Variants in HECW1 observed in about 807,000 individuals in gnomAD.
The protein encoded by HECW1 is E3 ubiquitin-protein ligase HECW1.
A neutral mutation model predicts 182.3 loss-of-function variants in HECW1; 61 were observed. The observed-to-expected ratio is 0.33, with a 90% CI of 0.27 to 0.41. The LOEUF is 0.41. HECW1 is among the 10% of genes least tolerant of loss of function. The pLI, the probability that HECW1 is intolerant of heterozygous loss-of-function variation, is 1.00. For synonymous variants in HECW1, 859 were observed against 832.6 expected, an observed-to-expected ratio of 1.03 and a Z score of -0.55; for missense variants, 1,739 against 2,108.9, an observed-to-expected ratio of 0.82 and a Z score of 3.44.
chr7:43,550,632 G>T, intron 27 of HECW1, 41 bp downstream of exon 27: 1 of 1,555,344 alleles, frequency 6.4e-7, no homozygotes, highest in Non-Finnish European at 8.7e-7. Context: ...TGTGGCCAGG[G>T]TGCTGCTTCA....
At chr7:43,506,478 GTATAT>G (rs1482740712) in intron 21 of HECW1, among the ~76,000 whole-genome samples, 1 of 152,136 alleles carries the variant, frequency 6.6e-6, no homozygotes, top group Non-Finnish European at 1.5e-5. Flanking sequence ...AATGAATGTA[GTATAT>G]TATTTTTATA....
chr7:43,428,942 T>C (rs1421563147), intron 8 of HECW1, among the ~76,000 whole-genome samples: 1 of 151,918 alleles, frequency 6.6e-6, no homozygotes, highest in Non-Finnish European at 1.5e-5. Flanking sequence ...ACAGAATACA[T>C]ATATGTGTAA....
intron 24 of HECW1, chr7:43,511,738 C>G (rs1194279733): frequency 5.8e-6 from 1 of 172,020 alleles, no homozygotes; most frequent in African/African-American, 2.4e-5. Flanking sequence ...TGCCATGTGG[C>G]AAATAGTTTA....
intron 6 of HECW1, among the ~76,000 whole-genome samples, chr7:43,382,881 T>C (rs1054142860): frequency 6.6e-6 from 1 of 152,118 alleles, no homozygotes; most frequent in Non-Finnish European, 1.5e-5. Context: ...GTCATCTAGG[T>C]TTTAAGCCCC....
chr7:43,471,919 T>G (rs1405942526), intron 16 of HECW1, among the ~76,000 whole-genome samples: 1 of 152,206 alleles, frequency 6.6e-6, no homozygotes, highest in East Asian at 1.9e-4. Flanking sequence ...AAAGTATAAT[T>G]TTCTTTGGAA....
intron 29 of HECW1, among the ~76,000 whole-genome samples, chr7:43,561,209 G>C (rs1283185933): frequency 6.6e-6 from 1 of 152,204 alleles, no homozygotes; most frequent in Admixed American, 6.5e-5. Flanking sequence ...AGAACCCCGG[G>C]CGCCAGGACA....
At chr7:43,129,469 A>G (rs1193263642) in intron 2 of HECW1, among the ~76,000 whole-genome samples, 1 of 152,238 alleles carries the variant, frequency 6.6e-6, no homozygotes, top group Non-Finnish European at 1.5e-5. Context: ...TGCACTGCTA[A>G]TAGACTACAG....
rs1451116308 is a variant in HECW1, at chr7:43,331,457, G to T, written c.460+10715G>T. Reference sequence around the variant, plus strand: ...AAATACAAAAAATTAGCCGGACGTGGTGGTGGGTGCCTATAGTCCCAGCTA... The same window carrying T: ...AAATACAAAAAATTAGCCGGACGTGTTGGTGGGTGCCTATAGTCCCAGCTA... On this transcript the variant is annotated intron_variant, in intron 5 of 29. Coordinates refer to ENST00000395891, the MANE Select transcript of HECW1 (RefSeq NM_015052.5). Among the ~76,000 whole-genome samples, 2 of 152,154 alleles carry T rather than the reference G, an allele frequency of 1.3e-5. 1 individual carries two copies. The highest frequency in any genetic ancestry group is 4.2e-4 in the South Asian group (2 of 4,816).
intron 2 of HECW1, among the ~76,000 whole-genome samples, chr7:43,165,890 A>T (rs935103787): frequency 6.6e-6 from 1 of 152,208 alleles, no homozygotes; most frequent in African/African-American, 2.4e-5. Context: ...CTGAGTCCCA[A>T]TGCAGATTTA....
intron 16 of HECW1, among the ~76,000 whole-genome samples, chr7:43,469,724 TTCA>T (rs1233836173): frequency 6.6e-6 from 1 of 152,218 alleles, no homozygotes; most frequent in Admixed American, 6.5e-5. Context: ...TTTCCTAATC[TTCA>T]TCAGCCATCT....
Position 43,173,812 on chromosome 7 carries a change from ACCT to A in HECW1, c.-32+59424_-32+59426del, listed in dbSNP as rs142155765. The stretch of plus-strand genomic sequence containing the variant: ...TGGAGTGTGAAAGACTCACAGTATC[ACCT>A]CCACCACCCAGGTGCCTGTTGTTTT... On this transcript the variant is annotated intron_variant, in intron 2 of 29. Transcript: ENST00000395891. 9.0e-3 allele frequency among the ~76,000 whole-genome samples: 1,356 copies of A among 150,454 alleles called. 10 individuals carry two copies. The highest frequency in any genetic ancestry group is 0.029 in the African/African-American group (1,192 of 40,932).
chr7:43,176,739 A>G (rs1336405054), intron 2 of HECW1, among the ~76,000 whole-genome samples: 1 of 152,248 alleles, frequency 6.6e-6, no homozygotes, highest in Non-Finnish European at 1.5e-5. Flanking sequence ...TCACTTCTCA[A>G]CACTGCTGCA....
At chr7:43,468,208 G>T (rs1218123265) in intron 15 of HECW1, among the ~76,000 whole-genome samples, 1 of 152,062 alleles carries the variant, frequency 6.6e-6, no homozygotes, top group Non-Finnish European at 1.5e-5. Context: ...TTTACATAGG[G>T]TTCAAAGGAA....
chr7:43,317,117 T>C (rs1029130999), intron 4 of HECW1, among the ~76,000 whole-genome samples: 10 of 152,058 alleles, frequency 6.6e-5, no homozygotes, highest in Admixed American at 5.9e-4. Context: ...ATACAGCTAG[T>C]GGTCTTAGAC....
At chr7:43,550,985 T>A (rs890928399) in intron 27 of HECW1, among the ~76,000 whole-genome samples, 2 of 152,220 alleles carry the variant, frequency 1.3e-5, no homozygotes, top group Admixed American at 6.5e-5. Context: ...CACTAGAATT[T>A]TATTTTGTTA....
chr7:43,444,637 G>A lies in HECW1; in HGVS notation c.1465G>A (p.Glu489Lys), dbSNP rs897933061. Residue 489 changes from glutamate to lysine, a missense_variant, in exon 11 of 30, where the codon GAG (glutamate) becomes AAG (lysine). Transcript: ENST00000395891. The surrounding 1 kb of genome is among the most constrained non-coding windows in gnomAD (Gnocchi z 4.3). ...CAGCACCAAGGAGGAGCCCTTGGAG[G>A]AGGAAGCAACGACCCAGAGCCGGGC... Reference protein sequence around the residue: ...PASTKEEPLEEEATTQSRAGR... With the variant: ...PASTKEEPLEKEATTQSRAGR... 6.2e-7 allele frequency: 1 copy of A among 1,609,018 alleles called. No individual in the cohort carries two copies. The highest frequency in any genetic ancestry group is 8.5e-7 in the Non-Finnish European group (1 of 1,177,730).
intron 8 of HECW1, among the ~76,000 whole-genome samples, chr7:43,436,444 C>G (rs917901681): frequency 5.9e-5 from 9 of 152,078 alleles, no homozygotes; most frequent in Non-Finnish European, 1.3e-4. Context: ...TGGGCGCAGG[C>G]AGGCTGAGTC....
At chr7:43,419,949 G>A (rs945048576) in intron 8 of HECW1, among the ~76,000 whole-genome samples, 8 of 152,136 alleles carry the variant, frequency 5.3e-5, no homozygotes, top group Non-Finnish European at 8.8e-5. Context: ...TGTCCCGATT[G>A]GCTAGCAACT....
chr7:43,114,054 C>T (rs1341925121), intron 1 of HECW1, 103 bp from the exon 2 acceptor site: 5 of 407,082 alleles, frequency 1.2e-5, no homozygotes, highest in South Asian at 2.6e-5. Flanking sequence ...TCCTAGTTGC[C>T]GAAGAAGATA....
Sources: allele counts gnomAD v4.1 joint callset (sites outside exome capture counted in the v4.1 genomes callset), GRCh38; gene constraint gnomAD v4.1.1; non-coding constraint Gnocchi (gnomAD v3.1); transcripts MANE v1.5; gene names NCBI Gene and HGNC (gene_info 2026-07-23, HGNC 2026-07-21).